Variants in MLLT10 observed in about 807,000 individuals in gnomAD.
MLLT10 encodes the protein MLLT10 histone lysine methyltransferase DOT1L cofactor.
Under a neutral mutation model 129.1 loss-of-function variants are expected in MLLT10, and 30 were observed. The observed-to-expected ratio is 0.23, with a 90% CI of 0.17 to 0.32. The LOEUF is 0.32. Among genes scored for constraint, MLLT10 ranks in the 10% least tolerant of loss-of-function variants. The pLI is 1.00. For missense variants in MLLT10, 1,119 were observed against 1,268.3 expected, an observed-to-expected ratio of 0.88 and a Z score of 1.79; for synonymous variants, 490 against 446.4, an observed-to-expected ratio of 1.10 and a Z score of -1.23.
chr10:21,695,715 C>T (rs776401069), intron 13 of MLLT10, among the ~76,000 whole-genome samples: 14 of 152,052 alleles, frequency 9.2e-5, no homozygotes, highest in East Asian at 3.8e-4. Flanking sequence ...TAAGTTTTAT[C>T]GTGGGTTAAG....
intron 5 of MLLT10, among the ~76,000 whole-genome samples, chr10:21,608,355 A>T (rs1373770001): frequency 6.7e-6 from 1 of 149,548 alleles, no homozygotes; most frequent in Admixed American, 6.7e-5. Context: ...TTTTTTTTTT[A>T]AAGTAGAGGT....
At chr10:21,627,792 TG>T (rs2046601179) in intron 8 of MLLT10, among the ~76,000 whole-genome samples, 1 of 152,232 alleles carries the variant, frequency 6.6e-6, no homozygotes, top group South Asian at 2.1e-4. Flanking sequence ...TCTTTTTTTT[TG>T]GTCAACAGTC....
intron 9 of MLLT10, 41 bp from the exon 10 acceptor site, chr10:21,670,408 A>G (rs1476584657): frequency 3.9e-6 from 6 of 1,555,524 alleles, no homozygotes; most frequent in African/African-American, 1.4e-5. Flanking sequence ...ACTAAAATGT[A>G]ATCAACTCTT....
At chr10:21,533,912 C>A (rs1202373671), upstream of MLLT10, among the ~76,000 whole-genome samples, 1 of 152,166 alleles carries the variant, frequency 6.6e-6, no homozygotes, top group Non-Finnish European at 1.5e-5. Context: ...AACCCCTTCC[C>A]AGCCCTGGGC....
intron 4 of MLLT10, among the ~76,000 whole-genome samples, chr10:21,588,831 T>C (rs1389852379): frequency 2.6e-5 from 4 of 151,410 alleles, no homozygotes; most frequent in Admixed American, 2.6e-4. Context: ...TTTTTCTTTT[T>C]TTTTTTTTTT....
intron 3 of MLLT10, among the ~76,000 whole-genome samples, chr10:21,585,123 C>T (rs775328387): frequency 6.6e-6 from 1 of 151,722 alleles, no homozygotes; most frequent in South Asian, 2.1e-4. Context: ...GGGATTTTGC[C>T]GTGTCGCCCA....
chr10:21,695,061 C>CTTTTTTTTTTTTTTTTTTTTT (rs71393922), intron 13 of MLLT10, among the ~76,000 whole-genome samples: 1 of 104,034 alleles, frequency 9.6e-6, no homozygotes. Flanking sequence ...TTTCTACCTT[C>CTTTTTTTTTTTTTTTTTTTTT]TTTTTTTTTT....
chr10:21,647,691 T>C (rs1383352943), intron 8 of MLLT10, among the ~76,000 whole-genome samples: 1 of 147,144 alleles, frequency 6.8e-6, no homozygotes, highest in African/African-American at 2.5e-5. Context: ...ACTGGCTCTT[T>C]TTTTTTGCGG....
intron 14 of MLLT10, among the ~76,000 whole-genome samples, chr10:21,718,213 A>T (rs544062841): frequency 5.3e-5 from 8 of 152,158 alleles, no homozygotes; most frequent in African/African-American, 1.9e-4. Context: ...TTTTTAGAGT[A>T]ATGGCTCTTT....
intron 14 of MLLT10, among the ~76,000 whole-genome samples, chr10:21,724,127 G>A (rs899871546): frequency 6.6e-6 from 1 of 152,154 alleles, no homozygotes; most frequent in Non-Finnish European, 1.5e-5. Context: ...TGTTAAACAG[G>A]ACTGAAGAGT....
At position 21,742,994 on chromosome 10, in the gene MLLT10, ATTTGT is replaced by A. The variant is rs1051352952; in HGVS notation, c.*1015_*1019del. 4.4e-6 allele frequency: 1 copy of A among 229,616 alleles called. No homozygotes were observed. The highest frequency in any genetic ancestry group is 2.2e-5 in the African/African-American group (1 of 45,112). The allele number at this position is 229,616 out of a possible 1,614,324, so 14.2% of individuals were successfully genotyped here. ...AGGAGTGGATTTGGTAAGAATAGAG[ATTTGT>A]TTTATTTAAACCACTTCCCATTACT... On this transcript the variant is annotated 3_prime_UTR_variant, in exon 23 of 23. Coordinates refer to ENST00000307729, the MANE Select transcript of MLLT10 (RefSeq NM_001195626.3).
intron 13 of MLLT10, among the ~76,000 whole-genome samples, chr10:21,687,981 T>G (rs1241453475): frequency 1.3e-5 from 2 of 152,228 alleles, no homozygotes; most frequent in African/African-American, 4.8e-5. Flanking sequence ...CTTTTTCCAT[T>G]TCAAAGTATC....
At chr10:21,636,618 A>C (rs2047490475) in intron 8 of MLLT10, among the ~76,000 whole-genome samples, 1 of 150,700 alleles carries the variant, frequency 6.6e-6, no homozygotes, top group African/African-American at 2.4e-5. Context: ...CTTGTTGCCC[A>C]AGCTGGAGTG....
At chr10:21,646,768 C>A (rs911438438) in intron 8 of MLLT10, among the ~76,000 whole-genome samples, 5 of 152,008 alleles carry the variant, frequency 3.3e-5, no homozygotes, top group Admixed American at 2.6e-4. Context: ...AAGGGGAATT[C>A]ACAGTTCTGA....
chr10:21,689,868 G>GT (rs1017673320), intron 13 of MLLT10, among the ~76,000 whole-genome samples: 1 of 151,622 alleles, frequency 6.6e-6, no homozygotes, highest in Non-Finnish European at 1.5e-5. Flanking sequence ...TAACCCAATA[G>GT]TTTTTTGTTA....
At chr10:21,577,461 G>A (rs1367261008) in intron 3 of MLLT10, among the ~76,000 whole-genome samples, 1 of 126,580 alleles carries the variant, frequency 7.9e-6, no homozygotes, top group Non-Finnish European at 1.7e-5. Flanking sequence ...ATAGATGAAG[G>A]TTTTTTTTTT....
chr10:21,619,029 T>TACACACACAC (rs66469025), intron 8 of MLLT10, among the ~76,000 whole-genome samples: 3,574 of 143,802 alleles, frequency 0.025, 47 homozygotes, highest in Admixed American at 0.04. Flanking sequence ...CCTGGTGACA[T>TACACACACAC]ACACACACAC....
intron 3 of MLLT10, chr10:21,557,014 A>G (rs1281266423): frequency 2.0e-6 from 3 of 1,468,586 alleles, no homozygotes; most frequent in South Asian, 1.5e-5. Context: ...TTGTTTTACC[A>G]AGTACTAGTC....
intron 8 of MLLT10, among the ~76,000 whole-genome samples, chr10:21,631,515 G>A (rs2047013998): frequency 6.6e-6 from 1 of 151,666 alleles, no homozygotes; most frequent in Non-Finnish European, 1.5e-5. Context: ...AAATGAGAAT[G>A]AGTAATTTAG....
Sources: gnomAD v4.1 joint callset for allele counts (sites outside exome capture counted in the v4.1 genomes callset) on GRCh38, gnomAD v4.1.1 for gene constraint, MANE v1.5 for transcripts, NCBI Gene and HGNC (gene_info 2026-07-23, HGNC 2026-07-21) for gene names.